The following SDK2 variants were observed in gnomAD, a reference collection of about 807,000 sequenced individuals.
The protein encoded by SDK2 is sidekick cell adhesion molecule 2.
Under a neutral mutation model 253.9 loss-of-function variants are expected in SDK2, and 105 were observed. The ratio of observed to expected loss-of-function variants is 0.41; its 90% CI spans 0.35 to 0.49. The LOEUF (loss-of-function observed/expected upper bound fraction) is 0.49, where lower values mean the gene tolerates loss of function less well. Among genes scored for constraint, SDK2 ranks in the 20% least tolerant of loss-of-function variants. The probability of loss-of-function intolerance (pLI) is 0.06; values close to 1 mark genes in which losing one functional copy is unlikely to be tolerated. For missense variants in SDK2, 2,608 were observed against 3,003.0 expected, an observed-to-expected ratio of 0.87 and a Z score of 3.07; for synonymous variants, 1,249 against 1,234.9, an observed-to-expected ratio of 1.01 and a Z score of -0.24.
At chr17:73,381,715 G>A (rs1289016031) in intron 33 of SDK2, among the ~76,000 whole-genome samples, 2 of 151,434 alleles carry the variant, frequency 1.3e-5, no homozygotes, top group Non-Finnish European at 2.9e-5. Context: ...GACGAGCCTG[G>A]CCAACACAGT....
At chr17:73,349,273 G>A (rs760563641) in intron 43 of SDK2, among the ~76,000 whole-genome samples, 62 of 152,248 alleles carry the variant, frequency 4.1e-4, no homozygotes, top group Non-Finnish European at 7.5e-4. Flanking sequence ...CAGAGGATAA[G>A]AGCTCGGCTT....
chr17:73,346,790 T>C (rs557370570), intron 44 of SDK2, among the ~76,000 whole-genome samples: 1 of 152,144 alleles, frequency 6.6e-6, no homozygotes, highest in Admixed American at 6.5e-5. Flanking sequence ...CAAAACCCAC[T>C]CTCCAAAGAC....
chr17:73,531,041 TC>T (rs919692649), intron 1 of SDK2, among the ~76,000 whole-genome samples: 3 of 152,140 alleles, frequency 2.0e-5, no homozygotes, highest in African/African-American at 7.2e-5. Flanking sequence ...CGCCTTTCCT[TC>T]CCTGCCTTCC....
chr17:73,350,565 A>G, intron 42 of SDK2, 85 bp downstream of exon 42: 3 of 1,472,510 alleles, frequency 2.0e-6, no homozygotes, highest in Non-Finnish European at 2.8e-6. Flanking sequence ...GAGCCAGGAG[A>G]GGGACCTGAT....
intron 21 of SDK2, among the ~76,000 whole-genome samples, chr17:73,400,299 T>C (rs557442651): frequency 1.3e-5 from 2 of 151,946 alleles, no homozygotes; most frequent in Admixed American, 1.3e-4. Flanking sequence ...GGCCTAGGAG[T>C]AGCCCCACCG....
At chr17:73,503,006 G>T (rs922457418) in intron 2 of SDK2, among the ~76,000 whole-genome samples, 6 of 152,162 alleles carry the variant, frequency 3.9e-5, no homozygotes, top group East Asian at 1.9e-4. Flanking sequence ...TTCCCAAAAG[G>T]CTTAACATGA....
rs995092885 is a variant in SDK2, at chr17:73,616,415, C to T, written c.64+27610G>A. Among the ~76,000 whole-genome samples, 2 of 152,118 alleles carry T rather than the reference C, an allele frequency of 1.3e-5. No homozygotes were observed. Among genetic ancestry groups the T allele is most frequent in the Middle Eastern group, 3.4e-3 (1 of 294 alleles). On this transcript the variant is annotated intron_variant, in intron 1 of 44. Coordinates refer to ENST00000392650, the MANE Select transcript of SDK2 (RefSeq NM_001144952.2). This position sits in a 1 kb window ranked among gnomAD's most constrained non-coding sequence, Gnocchi z 5.2. ...AAACAAGAGGGAAAGAGGCAAGCAA[C>T]GGTGATTTCCTTTCACTTGGGCAGG...
chr17:73,366,364 G>T (rs1298451758), intron 37 of SDK2, among the ~76,000 whole-genome samples: 1 of 152,176 alleles, frequency 6.6e-6, no homozygotes, highest in Non-Finnish European at 1.5e-5. Flanking sequence ...GGACAGACTT[G>T]TATATTCAGC....
chr17:73,467,895 CA>C lies in SDK2; in HGVS notation c.331+4216del, dbSNP rs928285589. On this transcript the variant is annotated intron_variant, in intron 3 of 44. Transcript: ENST00000392650. The surrounding 1 kb of genome is among the most constrained non-coding windows in gnomAD (Gnocchi z 4.1). The stretch of plus-strand genomic sequence containing the variant: ...GTTTCAGGGAGCTGCAGCTGGTGGA[CA>C]GGGGGAGGTTAACCTGGGTCTCTCT... 2.0e-5 allele frequency among the ~76,000 whole-genome samples: 3 copies of C among 152,200 alleles called. No individual in the cohort carries two copies. The highest frequency in any genetic ancestry group is 1.3e-4 in the Admixed American group (2 of 15,270).
Position 73,495,646 on chromosome 17 carries a change from T to TGTGTGTGTG in SDK2, c.224+11791_224+11792insCACACACAC, listed in dbSNP as rs879848701. Among the ~76,000 whole-genome samples the TGTGTGTGTG allele has an allele frequency of 5.8e-5, 7 of 119,788 alleles. No individual in the cohort carries two copies. The South Asian group carries it at 1.0e-3, about 17-fold the overall frequency. The allele number at this position is 119,788 out of a possible 152,430, so 78.6% of individuals were successfully genotyped here. ...TGTGTGTGTGTGTGTGTGTGTGTGT[T>TGTGTGTGTG]TGTTTGTGTATGTGTGTGTGTGCAT... is the stretch of plus-strand genomic sequence containing the variant. On this transcript the variant is annotated intron_variant, in intron 2 of 44. Coordinates refer to ENST00000392650, the MANE Select transcript of SDK2 (RefSeq NM_001144952.2).
chr17:73,563,261 CTTAGGGAA>C (rs1036790459), intron 1 of SDK2, among the ~76,000 whole-genome samples: 1 of 152,172 alleles, frequency 6.6e-6, no homozygotes, highest in African/African-American at 2.4e-5. Flanking sequence ...GCTCAAATAT[CTTAGGGAA>C]TTCACAACTT....
chr17:73,500,377 C>T (rs529321016), intron 2 of SDK2, among the ~76,000 whole-genome samples: 266 of 147,504 alleles, frequency 1.8e-3, no homozygotes, highest in Middle Eastern at 7.4e-3. Context: ...CTTCTCCATC[C>T]TCCCTCCATT....
Position 73,472,136 on chromosome 17 carries a change from G to A in SDK2, c.307C>T (p.Arg103Trp), listed in dbSNP as rs750773708. The A allele has an allele frequency of 1.6e-5, 25 of 1,551,426 alleles. No individual in the cohort carries two copies. Among genetic ancestry groups the A allele is most frequent in the East Asian group, 4.9e-5 (2 of 40,926 alleles). ...VRNRMGALLQ[R>W]QTEVQVAYMG... ...CAGGCCACCTGGACCTCGGTTTGCC[G>A]CTGCAGCAGGGCCCCCATTCGGTTC... Residue 103 changes from arginine to tryptophan, a missense_variant, in exon 3 of 45, where the codon CGG (arginine) becomes TGG (tryptophan). Coordinates refer to ENST00000392650, the MANE Select transcript of SDK2 (RefSeq NM_001144952.2).
rs187064135 is a variant in SDK2 at position 73,587,048 on chromosome 17, T to C, written c.64+56977A>G. Among the ~76,000 whole-genome samples the C allele has an allele frequency of 2.0e-5, 3 of 152,330 alleles. No individual in the cohort carries two copies. The East Asian group carries it at 5.8e-4, about 29-fold the overall frequency. ...ACTGTCATATGTAAAGGGCTCGGTA[T>C]GGTGCCTGGCCTGTGGCTGCTGCAC... On this transcript the variant is annotated intron_variant, in intron 1 of 44. Coordinates refer to ENST00000392650, the MANE Select transcript of SDK2 (RefSeq NM_001144952.2).
At chr17:73,498,830 C>T (rs957080398) in intron 2 of SDK2, among the ~76,000 whole-genome samples, 12 of 152,070 alleles carry the variant, frequency 7.9e-5, no homozygotes, top group Admixed American at 1.3e-4. Flanking sequence ...TGCCACTGCC[C>T]GGGGGAAGGA....
At chr17:73,579,607 G>A (rs2045504560) in intron 1 of SDK2, among the ~76,000 whole-genome samples, 1 of 152,212 alleles carries the variant, frequency 6.6e-6, no homozygotes, top group Admixed American at 6.5e-5. Context: ...TGCAGATAGG[G>A]TCTTTGCAGA....
intron 40 of SDK2, among the ~76,000 whole-genome samples, chr17:73,355,843 C>T (rs1029056620): frequency 3.3e-5 from 5 of 152,294 alleles, no homozygotes; most frequent in Middle Eastern, 3.4e-3. Flanking sequence ...TGCCCAGTTT[C>T]GGAACTTCAT....
In SDK2 at chr17:73,435,676, T is replaced by G. The variant is rs1327797264; in HGVS notation, c.1001-32A>C. 1.3e-6 allele frequency: 2 copies of G among 1,509,538 alleles called. No homozygotes were observed. Among genetic ancestry groups the G allele is most frequent in the Non-Finnish European group, 1.8e-6 (2 of 1,123,648 alleles). The allele number at this position is 1,509,538 out of a possible 1,614,324, so 93.5% of individuals were successfully genotyped here. The stretch of plus-strand genomic sequence containing the variant: ...GCAAGACGTGGGCCCACCGTCAACC[T>G]GCCTCCTGCCTCCTCTCCGCCTAGG... On this transcript the variant is annotated intron_variant, in intron 8 of 44. Coordinates refer to ENST00000392650, the MANE Select transcript of SDK2 (RefSeq NM_001144952.2). This position sits in a 1 kb window ranked among gnomAD's most constrained non-coding sequence, Gnocchi z 5.7.
intron 24 of SDK2, among the ~76,000 whole-genome samples, chr17:73,396,485 C>T (rs2062971787): frequency 1.3e-5 from 2 of 151,246 alleles, no homozygotes; most frequent in African/African-American, 4.9e-5. Flanking sequence ...CACTCCTCAC[C>T]TTCGGCCCCA....
Sources: allele counts gnomAD v4.1 joint callset (sites outside exome capture counted in the v4.1 genomes callset), GRCh38; gene constraint gnomAD v4.1.1; non-coding constraint Gnocchi (gnomAD v3.1); transcripts MANE v1.5; gene names NCBI Gene and HGNC (gene_info 2026-07-23, HGNC 2026-07-21).